NUDT9: variants seen among roughly 807,000 people sequenced by gnomAD.
NUDT9 encodes nudix hydrolase 9.
Under a neutral mutation model 41.0 loss-of-function variants are expected in NUDT9, and 31 were observed. The ratio of observed to expected loss-of-function variants is 0.76; its 90% CI spans 0.57 to 1.02. NUDT9 has a LOEUF of 1.02. Among genes scored for constraint, NUDT9 ranks in the 50% least tolerant of loss-of-function variants. The pLI, the probability that NUDT9 is intolerant of heterozygous loss-of-function variation, is 0.00. For synonymous variants in NUDT9, 146 were observed against 147.6 expected, an observed-to-expected ratio of 0.99 and a Z score of 0.08; for missense variants, 380 against 431.4, an observed-to-expected ratio of 0.88 and a Z score of 1.06.
chr4:87,422,602 G>A lies in NUDT9; in HGVS notation c.-304G>A. 3.5e-6 allele frequency: 1 copy of A among 283,526 alleles called. No individual in the cohort carries two copies. Among genetic ancestry groups the A allele is most frequent in the East Asian group, 6.0e-5 (1 of 16,606 alleles). The allele number at this position is 283,526 out of a possible 1,614,324, so 17.6% of individuals were successfully genotyped here. On this transcript the variant is annotated 5_prime_UTR_variant, in exon 1 of 8. Coordinates refer to ENST00000302174, the MANE Select transcript of NUDT9 (RefSeq NM_024047.5). ...CGCGGCCGTAAAGCGCCATTACGCA[G>A]AGAGAAAGTTACGAGGTTCGTGGCC...
In NUDT9 at chr4:87,422,961, T is replaced by C; in HGVS notation, c.56T>C (p.Leu19Ser). 1.2e-6 allele frequency: 2 copies of C among 1,613,342 alleles called. No individual in the cohort carries two copies. Among genetic ancestry groups the C allele is most frequent in the Non-Finnish European group, 1.7e-6 (2 of 1,179,828 alleles). ...ALAAVSLSLA[L>S]ASVTIRSSRC... Reference sequence around the variant, plus strand: ...GCCGCGGTGTCTCTCTCTCTGGCCTTGGCCTCTGTGACTATCAGGTCCTCG... The same window carrying C: ...GCCGCGGTGTCTCTCTCTCTGGCCTCGGCCTCTGTGACTATCAGGTCCTCG... Residue 19 changes from leucine to serine, a missense_variant, in exon 1 of 8, where the codon TTG (leucine) becomes TCG (serine). Coordinates refer to ENST00000302174, the MANE Select transcript of NUDT9 (RefSeq NM_024047.5).
At chr4:87,426,237 T>TGCATA (rs1721410408) in intron 1 of NUDT9, among the ~76,000 whole-genome samples, 1 of 151,140 alleles carries the variant, frequency 6.6e-6, no homozygotes, top group African/African-American at 2.4e-5. Context: ...TATTGTTTTA[T>TGCATA]TCCTGTGAAT....
rs1326140675 is a variant in NUDT9, at chr4:87,459,383, AGTTTACCTAT to A, written c.*1365_*1374del. The A allele has an allele frequency of 2.0e-5, 3 of 152,228 alleles. No individual in the cohort carries two copies. The highest frequency in any genetic ancestry group is 4.4e-5 in the Non-Finnish European group (3 of 68,034). 9.4% of individuals were successfully genotyped at this position (152,228 alleles called of 1,614,324 possible). A position where few individuals can be genotyped will look rare whatever the true frequency, so the allele number is the denominator to read the frequency against. On this transcript the variant is annotated 3_prime_UTR_variant, in exon 8 of 8. Coordinates refer to ENST00000302174, the MANE Select transcript of NUDT9 (RefSeq NM_024047.5). ...CTGTACAACAAACCCTCATGACACA[AGTTTACCTAT>A]GTAACAAACCTGCACATGTACCCCT... is the stretch of plus-strand genomic sequence containing the variant.
chr4:87,428,696 G>A (rs1721541475), intron 1 of NUDT9, among the ~76,000 whole-genome samples: 1 of 151,836 alleles, frequency 6.6e-6, no homozygotes, highest in African/African-American at 2.4e-5. Flanking sequence ...ATCAGGAGTT[G>A]GATGAATTGG....
At chr4:87,436,824 A>G (rs147459908) in intron 2 of NUDT9, among the ~76,000 whole-genome samples, 1 of 152,366 alleles carries the variant, frequency 6.6e-6, no homozygotes, top group East Asian at 1.9e-4. Flanking sequence ...TAAAGCAAGA[A>G]AAAAGTGAAA....
chr4:87,453,791 C>G (rs1161777629), intron 6 of NUDT9, among the ~76,000 whole-genome samples: 2 of 151,794 alleles, frequency 1.3e-5, no homozygotes, highest in African/African-American at 4.8e-5. Flanking sequence ...AAATTTGAAA[C>G]AAGCACATGA....
At chr4:87,433,149 A>G (rs1377462155) in intron 1 of NUDT9, among the ~76,000 whole-genome samples, 2 of 152,184 alleles carry the variant, frequency 1.3e-5, no homozygotes, top group Admixed American at 6.6e-5. Flanking sequence ...TGTTGGGAGT[A>G]AATAGATACT....
intron 6 of NUDT9, among the ~76,000 whole-genome samples, chr4:87,453,189 T>A (rs1722833246): frequency 6.6e-6 from 1 of 152,222 alleles, no homozygotes; most frequent in African/African-American, 2.4e-5. Context: ...TGTCCAGATT[T>A]TTTTGAGTTA....
At chr4:87,452,792 A>G (rs972238635) in intron 6 of NUDT9, among the ~76,000 whole-genome samples, 2 of 149,828 alleles carry the variant, frequency 1.3e-5, no homozygotes, top group Non-Finnish European at 3.0e-5. Flanking sequence ...GCACACTAAT[A>G]ATAAGAAAAT....
chr4:87,442,109 TTTG>T (rs1315385875), intron 4 of NUDT9, among the ~76,000 whole-genome samples, 194 bp downstream of exon 4: 8 of 152,354 alleles, frequency 5.3e-5, no homozygotes, highest in African/African-American at 1.9e-4. Context: ...ATTAGGTGAT[TTTG>T]TTGTTGTGTG....
chr4:87,454,552 A>T, intron 7 of NUDT9, 97 bp downstream of exon 7: 3 of 788,462 alleles, frequency 3.8e-6, no homozygotes, highest in Non-Finnish European at 6.6e-6. Flanking sequence ...TAGCATCTTA[A>T]ACCAATTAAC....
chr4:87,439,844 A>C (rs1722123533), intron 3 of NUDT9, among the ~76,000 whole-genome samples: 1 of 152,184 alleles, frequency 6.6e-6, no homozygotes, highest in Admixed American at 6.5e-5. Flanking sequence ...AAAAAGTTAG[A>C]AAGAAGTGTA....
intron 4 of NUDT9, among the ~76,000 whole-genome samples, chr4:87,448,723 T>A (rs75706873): frequency 0.03 from 4,607 of 152,200 alleles, 240 homozygotes; most frequent in African/African-American, 0.11. Context: ...CAAGCAATTC[T>A]CCCAAAGTGT....
intron 7 of NUDT9, among the ~76,000 whole-genome samples, chr4:87,455,458 A>T (rs773800946): frequency 4.1e-4 from 62 of 152,168 alleles, no homozygotes; most frequent in Non-Finnish European, 7.8e-4. Context: ...ACAATGACTG[A>T]TCCTCCAGAA....
Position 87,458,960 on chromosome 4 carries a change from T to G in NUDT9, c.*939T>G, listed in dbSNP as rs1723101492. ...TACTAGGTATATACCCGAAGGAATA[T>G]AAATTGTTCTATTATAAACACATAC... On this transcript the variant is annotated 3_prime_UTR_variant, in exon 8 of 8. Transcript: ENST00000302174. 1 of 152,212 alleles carries G rather than the reference T, an allele frequency of 6.6e-6. No homozygotes were observed. 9.4% of individuals were successfully genotyped at this position (152,212 alleles called of 1,614,324 possible).
intron 7 of NUDT9, 136 bp from the exon 8 acceptor site, chr4:87,457,707 T>C (rs751165456): frequency 7.1e-6 from 5 of 701,854 alleles, no homozygotes; most frequent in Middle Eastern, 5.3e-4. Context: ...AGGGATGGAA[T>C]GGTCTAGTTT....
chr4:87,445,180 G>C (rs549586362), intron 4 of NUDT9: 21 of 152,246 alleles, frequency 1.4e-4, no homozygotes, highest in African/African-American at 4.8e-4. Context: ...TTTGAAAATA[G>C]AGACTCACTG....
chr4:87,422,864 C>CT lies in NUDT9; in HGVS notation c.-41dup. Reference sequence around the variant, plus strand: ...GGGTGTGGGGAGGCGGAGGCACCAACTAAGAGCGACCTAGCATCGCAAAGC... The same window carrying CT: ...GGGTGTGGGGAGGCGGAGGCACCAACTTAAGAGCGACCTAGCATCGCAAAGC... On this transcript the variant is annotated 5_prime_UTR_variant, in exon 1 of 8. Coordinates refer to ENST00000302174, the MANE Select transcript of NUDT9 (RefSeq NM_024047.5). 6.5e-7 allele frequency: 1 copy of CT among 1,545,202 alleles called. No homozygotes were observed. Among genetic ancestry groups the CT allele is most frequent in the Non-Finnish European group, 8.8e-7 (1 of 1,132,132 alleles).
intron 1 of NUDT9, among the ~76,000 whole-genome samples, chr4:87,434,648 T>G (rs565320122): frequency 2.0e-5 from 3 of 152,072 alleles, no homozygotes; most frequent in African/African-American, 7.2e-5. Flanking sequence ...GCTTTTTTTT[T>G]GAGATGGAGT....
Sources: gnomAD v4.1 joint callset for allele counts (sites outside exome capture counted in the v4.1 genomes callset) on GRCh38, gnomAD v4.1.1 for gene constraint, MANE v1.5 for transcripts, NCBI Gene and HGNC (gene_info 2026-07-23, HGNC 2026-07-21) for gene names.